Variants in SLC14A2 observed in about 807,000 individuals in gnomAD.
SLC14A2 encodes the protein urea transporter 2.
SLC14A2 carries 91 observed loss-of-function variants against 104.6 expected under a neutral mutation model. That is an observed-to-expected ratio of 0.87 (90% CI 0.73 to 1.04). The LOEUF is 1.04. SLC14A2 is among the 50% of genes least tolerant of loss of function. SLC14A2 has a pLI of 0.00. For synonymous variants in SLC14A2, 476 were observed against 466.4 expected (o/e 1.02, Z -0.27); for missense variants, 1,189 against 1,156.0 (o/e 1.03, Z -0.41).
intron 1 of SLC14A2, among the ~76,000 whole-genome samples, chr18:45,445,695 G>A (rs1186539712): frequency 6.6e-6 from 1 of 152,202 alleles, no homozygotes; most frequent in South Asian, 2.1e-4. Flanking sequence ...TACAGATTAG[G>A]TTAGATGAGA....
intron 1 of SLC14A2, among the ~76,000 whole-genome samples, chr18:45,372,592 C>T (rs2085735075): frequency 6.6e-6 from 1 of 152,114 alleles, no homozygotes; most frequent in Non-Finnish European, 1.5e-5. Flanking sequence ...CTCAAACTTT[C>T]GTGTGCATAC....
At chr18:45,495,850 G>A (rs183357685) in intron 2 of SLC14A2, among the ~76,000 whole-genome samples, 39 of 152,248 alleles carry the variant, frequency 2.6e-4, no homozygotes, top group African/African-American at 7.9e-4. Context: ...GAAAGAACAC[G>A]GAACGCCTAT....
chr18:45,634,540 A>AGATGTGGGTGAAG (rs1450481051), intron 5 of SLC14A2, among the ~76,000 whole-genome samples: 1 of 152,186 alleles, frequency 6.6e-6, no homozygotes, highest in Non-Finnish European at 1.5e-5. Context: ...TGTCATCTGA[A>AGATGTGGGTGAAG]GATGTGGGTG....
chr18:45,388,602 A>T (rs118049122), intron 1 of SLC14A2, among the ~76,000 whole-genome samples: 1,649 of 152,160 alleles, frequency 0.011, 14 homozygotes, highest in Non-Finnish European at 0.019. Context: ...TTATATATTG[A>T]GATGCTGAAT....
chr18:45,437,096 A>G, intron 1 of SLC14A2, among the ~76,000 whole-genome samples: 1 of 152,236 alleles, frequency 6.6e-6, no homozygotes, highest in Non-Finnish European at 1.5e-5. Flanking sequence ...GTATAGATGT[A>G]CGCGCTAATG....
At chr18:45,303,016 T>TA (rs997643237) in intron 1 of SLC14A2, among the ~76,000 whole-genome samples, 4 of 151,610 alleles carry the variant, frequency 2.6e-5, no homozygotes, top group African/African-American at 7.3e-5. Flanking sequence ...TCACTTGATT[T>TA]AAAAAAAAGA....
intron 1 of SLC14A2, among the ~76,000 whole-genome samples, chr18:45,433,264 G>A (rs2086546202): frequency 6.6e-6 from 1 of 152,168 alleles, no homozygotes; most frequent in South Asian, 2.1e-4. Flanking sequence ...TGTTGTGAAG[G>A]TTAAATGCAA....
chr18:45,313,784 T>G (rs1385592251), intron 1 of SLC14A2, among the ~76,000 whole-genome samples: 1 of 152,248 alleles, frequency 6.6e-6, no homozygotes, highest in Non-Finnish European at 1.5e-5. Context: ...TTTAGGATTT[T>G]TCAACATCTT....
At chr18:45,424,605 G>A (rs1215320795) in intron 1 of SLC14A2, among the ~76,000 whole-genome samples, 1 of 152,210 alleles carries the variant, frequency 6.6e-6, no homozygotes, top group African/African-American at 2.4e-5. Flanking sequence ...CTTTTTCATT[G>A]CTCATCAAAG....
chr18:45,261,516 T>C (rs551337615), intron 1 of SLC14A2, among the ~76,000 whole-genome samples: 1 of 151,984 alleles, frequency 6.6e-6, no homozygotes, highest in South Asian at 2.1e-4. Flanking sequence ...CATTAACTCG[T>C]CATTTAGCAT....
intron 10 of SLC14A2, among the ~76,000 whole-genome samples, chr18:45,654,041 AG>A (rs767293006): frequency 2.6e-5 from 4 of 152,184 alleles, no homozygotes; most frequent in Non-Finnish European, 5.9e-5. Flanking sequence ...GCCTCTTTAA[AG>A]GAAACCTACC....
chr18:45,583,134 A>G (rs1287564220), intron 2 of SLC14A2, among the ~76,000 whole-genome samples: 4 of 152,184 alleles, frequency 2.6e-5, no homozygotes, highest in African/African-American at 9.6e-5. Context: ...ACTTTTCAGC[A>G]TGTTCTACAC....
At position 45,667,930 on chromosome 18, in the gene SLC14A2, C is replaced by A. The variant is rs763992524; in HGVS notation, c.1815C>A (p.Leu605=). The change falls in exon 14 of 20, where the codon CTC becomes CTA. Residue 605 remains leucine, a synonymous_variant. Coordinates refer to ENST00000255226, the MANE Select transcript of SLC14A2 (RefSeq NM_007163.4). ...CCCTCAGCGGCATCCTCATCATCCT[C>A]GGCCTCTTCATCCAGAACCCCTGGT... ...NNPLSGILII[L]GLFIQNPWWA... is the part of the protein sequence containing the mutation. 3 of 1,614,142 alleles carry A rather than the reference C, an allele frequency of 1.9e-6. No homozygotes were observed. The highest frequency in any genetic ancestry group is 2.5e-6 in the Non-Finnish European group (3 of 1,180,002).
chr18:45,463,303 C>A (rs933574260), intron 1 of SLC14A2, among the ~76,000 whole-genome samples: 7 of 152,142 alleles, frequency 4.6e-5, no homozygotes, highest in African/African-American at 1.7e-4. Flanking sequence ...AGCCTGAACA[C>A]GACACCCAGC....
chr18:45,637,747 A>G (rs1599098562), intron 6 of SLC14A2, among the ~76,000 whole-genome samples: 1 of 152,258 alleles, frequency 6.6e-6, no homozygotes, highest in South Asian at 2.1e-4. Context: ...CGCTGCTCCC[A>G]GGCCACTTCC....
At chr18:45,196,815 A>C in the SLC14A2 span, among the ~76,000 whole-genome samples, 3 of 152,214 alleles carry the variant, frequency 2.0e-5, no homozygotes, top group Non-Finnish European at 2.9e-5. Flanking sequence ...GGCTGTTCTC[A>C]AAGGGCTTTT....
At chr18:45,305,524 ACTTCT>A (rs757428500) in intron 1 of SLC14A2, among the ~76,000 whole-genome samples, 9 of 152,084 alleles carry the variant, frequency 5.9e-5, no homozygotes, top group Middle Eastern at 3.4e-3. Flanking sequence ...CATCTCTGAC[ACTTCT>A]CTTCTCCTGT....
intron 1 of SLC14A2, among the ~76,000 whole-genome samples, chr18:45,429,469 T>C (rs1235327016): frequency 2.0e-5 from 3 of 152,150 alleles, no homozygotes; most frequent in African/African-American, 4.8e-5. Context: ...CCACTCACTC[T>C]TTAGGGATTC....
intron 2 of SLC14A2, chr18:45,529,128 T>A (rs1290562525): frequency 6.6e-6 from 1 of 152,242 alleles, no homozygotes; most frequent in Non-Finnish European, 1.5e-5. Flanking sequence ...CCTGCTCAAA[T>A]TGCTGACTTG....
Sources: gnomAD v4.1 joint callset for allele counts (sites outside exome capture counted in the v4.1 genomes callset) on GRCh38, gnomAD v4.1.1 for gene constraint, MANE v1.5 for transcripts, NCBI Gene and HGNC (gene_info 2026-07-23, HGNC 2026-07-21) for gene names.